The following CUX1 variants were observed in gnomAD, a reference collection of about 807,000 sequenced individuals.
The protein encoded by CUX1 is cut like homeobox 1.
A neutral mutation model predicts 158.8 loss-of-function variants in CUX1; 31 were observed. The observed-to-expected ratio is 0.20, with a 90% CI of 0.15 to 0.26. CUX1 has a LOEUF of 0.26. CUX1 is among the 10% of genes least tolerant of loss of function. The pLI is 1.00. For missense variants in CUX1, 1,589 were observed against 2,014.6 expected (o/e 0.79, Z 4.04); for synonymous variants, 879 against 862.1 (o/e 1.02, Z -0.34).
intron 2 of CUX1, among the ~76,000 whole-genome samples, chr7:101,996,256 C>T (rs1815867908): frequency 6.6e-6 from 1 of 152,146 alleles, no homozygotes. Flanking sequence ...TGGCTGTGGA[C>T]ACTTCCTGTG....
intron 4 of CUX1, among the ~76,000 whole-genome samples, chr7:102,086,110 C>T (rs782237379): frequency 1.2e-4 from 19 of 152,018 alleles, no homozygotes; most frequent in African/African-American, 2.4e-4. Flanking sequence ...GTAGTGATGT[C>T]CTTTCTTATA....
At chr7:102,225,911 C>G (rs1171967131) in intron 20 of CUX1, among the ~76,000 whole-genome samples, 1 of 152,236 alleles carries the variant, frequency 6.6e-6, no homozygotes, top group Non-Finnish European at 1.5e-5. Flanking sequence ...TCTGTGTCAC[C>G]CTCAGTGGGC....
At chr7:102,111,580 C>G (rs370070773) in intron 6 of CUX1, 118 bp from the exon 7 acceptor site, 9 of 871,006 alleles carry the variant, frequency 1.0e-5, no homozygotes, top group Non-Finnish European at 1.7e-5. Context: ...GGCGATACCC[C>G]GTGGTGCGCC....
chr7:102,008,044 C>T (rs560687698), intron 2 of CUX1, among the ~76,000 whole-genome samples: 1 of 152,122 alleles, frequency 6.6e-6, no homozygotes, highest in African/African-American at 2.4e-5. Context: ...GGTTCTGTTA[C>T]CTTCGTCCAA....
chr7:102,059,437 C>G lies in CUX1; in HGVS notation c.190-10902C>G, dbSNP rs1824520948. ...TCACTTGAGGTCAGGAGTTCGAGAC[C>G]AGCCTGGCCAACGTGGTGAAACCCC... On this transcript the variant is annotated intron_variant, in intron 3 of 23. Transcript: ENST00000292535. 2.0e-5 allele frequency among the ~76,000 whole-genome samples: 3 copies of G among 152,020 alleles called. No homozygotes were observed. The South Asian group carries it at 6.2e-4, about 32-fold the overall frequency.
intron 8 of CUX1, among the ~76,000 whole-genome samples, chr7:102,130,811 TG>T (rs1554496921): frequency 1.3e-5 from 2 of 152,134 alleles, no homozygotes; most frequent in Non-Finnish European, 1.5e-5. Context: ...AGTTGGACGA[TG>T]TGTGCTTCGA....
At chr7:101,982,750 C>T (rs1431386009) in intron 2 of CUX1, among the ~76,000 whole-genome samples, 1 of 151,362 alleles carries the variant, frequency 6.6e-6, no homozygotes, top group Non-Finnish European at 1.5e-5. Context: ...ACTTTAAGTT[C>T]TAGGATACAT....
At chr7:102,266,965 A>T (rs1790853570) in intron 14 of CUX1, among the ~76,000 whole-genome samples, 1 of 152,110 alleles carries the variant, frequency 6.6e-6, no homozygotes, top group South Asian at 2.1e-4. Flanking sequence ...CTAGGAGAAC[A>T]TGCTTGCATG....
At position 102,195,590 on chromosome 7, in the gene CUX1, C is replaced by T; in HGVS notation, c.1209C>T (p.Asn403=). ...QSENAALRIS[N]SDLSGSARRK... is the part of the protein sequence containing the mutation. ...AGAACGCCGCGCTGCGCATCTCCAA[C>T]AGCGACCTGAGCGGTAGGTTGGCCG... The change falls in exon 14 of 24, where the codon AAC becomes AAT. Residue 403 remains asparagine (N), a synonymous_variant. Coordinates refer to ENST00000292535, the MANE Select transcript of CUX1 (RefSeq NM_181552.4). 2 of 1,609,080 alleles carry T rather than the reference C, an allele frequency of 1.2e-6. No individual in the cohort carries two copies. The highest frequency in any genetic ancestry group is 2.7e-5 in the African/African-American group (2 of 75,046).
chr7:102,024,664 C>A (rs369652606), intron 2 of CUX1, among the ~76,000 whole-genome samples: 72 of 152,254 alleles, frequency 4.7e-4, no homozygotes, highest in African/African-American at 1.6e-3. Context: ...TGCACCCTTT[C>A]CATGTCTTTT....
In CUX1 at chr7:102,187,674, A is replaced by AT. The variant is rs59875022; in HGVS notation, c.1018-2123dup. Among the ~76,000 whole-genome samples the AT allele has an allele frequency of 5.0e-3, 705 of 142,408 alleles. 4 individuals are homozygous for AT. The highest frequency in any genetic ancestry group is 0.014 in the African/African-American group (553 of 38,970). 93.4% of individuals were successfully genotyped at this position (142,408 alleles called of 152,430 possible). On this transcript the variant is annotated intron_variant, in intron 11 of 23. Transcript: ENST00000292535. ...AGACCACACCTGGCTAATTTTTTGTATTTTTTTTTTTTTTTTAGTAGAGAC... is the reference window on the plus strand; with the variant it reads ...AGACCACACCTGGCTAATTTTTTGTATTTTTTTTTTTTTTTTTAGTAGAGAC...
At chr7:102,259,417 G>A (rs976407858), downstream of CUX1, among the ~76,000 whole-genome samples, 4 of 152,046 alleles carry the variant, frequency 2.6e-5, no homozygotes, top group South Asian at 2.1e-4. Flanking sequence ...GTGAAACCCC[G>A]TCTCTACTAA....
intron 4 of CUX1, among the ~76,000 whole-genome samples, chr7:102,095,987 C>G (rs1829136651): frequency 6.6e-6 from 1 of 152,234 alleles, no homozygotes; most frequent in South Asian, 2.1e-4. Context: ...GTGTTGAATT[C>G]ACAGTAAAGG....
At chr7:102,124,951 T>A (rs1335883089) in intron 8 of CUX1, among the ~76,000 whole-genome samples, 3 of 151,988 alleles carry the variant, frequency 2.0e-5, no homozygotes, top group Non-Finnish European at 4.4e-5. Flanking sequence ...CCAGCTAATT[T>A]TTGTATTTTT....
At chr7:102,138,241 C>A (rs1281174187) in intron 8 of CUX1, among the ~76,000 whole-genome samples, 4 of 152,044 alleles carry the variant, frequency 2.6e-5, no homozygotes, top group African/African-American at 9.7e-5. Context: ...TTTCTACCAC[C>A]CTTTTTGGAT....
At chr7:101,890,830 C>T (rs1197922716) in intron 1 of CUX1, among the ~76,000 whole-genome samples, 1 of 152,172 alleles carries the variant, frequency 6.6e-6, no homozygotes, top group Non-Finnish European at 1.5e-5. Context: ...GTCACCATCT[C>T]CTGCTTCTCA....
At chr7:102,106,084 T>C (rs1236853954) in intron 6 of CUX1, among the ~76,000 whole-genome samples, 2 of 121,140 alleles carry the variant, frequency 1.7e-5, no homozygotes, top group African/African-American at 6.5e-5. Flanking sequence ...TTTTTCTTTT[T>C]TTTTTTTTTT....
chr7:102,074,762 G>A (rs550776470), intron 4 of CUX1, among the ~76,000 whole-genome samples: 29 of 152,324 alleles, frequency 1.9e-4, no homozygotes, highest in Admixed American at 3.9e-4. Context: ...GGGATGGCTG[G>A]TGGGCACCCA....
intron 1 of CUX1, among the ~76,000 whole-genome samples, chr7:101,912,753 C>T (rs1219497879): frequency 6.6e-6 from 1 of 152,166 alleles, no homozygotes; most frequent in African/African-American, 2.4e-5. Context: ...CCTTACAATA[C>T]ACCGTGTTTT....
Sources: allele counts gnomAD v4.1 joint callset (sites outside exome capture counted in the v4.1 genomes callset), GRCh38; gene constraint gnomAD v4.1.1; transcripts MANE v1.5; gene names NCBI Gene and HGNC (gene_info 2026-07-23, HGNC 2026-07-21).